FBXL17: variants seen among roughly 807,000 people sequenced by gnomAD.
FBXL17 encodes the protein F-box/LRR-repeat protein 17.
FBXL17 carries 22 observed loss-of-function variants against 66.2 expected under a neutral mutation model. The ratio of observed to expected loss-of-function variants is 0.33; its 90% CI spans 0.24 to 0.47. The LOEUF is 0.47. Ranked by LOEUF, FBXL17 falls within the 20% of genes least tolerant of loss-of-function variation. The probability of loss-of-function intolerance (pLI) is 1.00; values close to 1 mark genes in which losing one functional copy is unlikely to be tolerated. For missense variants in FBXL17, 878 were observed against 948.2 expected (o/e 0.93, Z 0.97); for synonymous variants, 474 against 400.5 (o/e 1.18, Z -2.19).
intron 5 of FBXL17, among the ~76,000 whole-genome samples, chr5:108,216,795 T>C (rs1754618142): frequency 6.6e-6 from 1 of 152,106 alleles, no homozygotes; most frequent in Admixed American, 6.5e-5. Context: ...ATAAGGGAAC[T>C]AGCACGGGGT....
chr5:107,953,180 A>G (rs1430813000), intron 7 of FBXL17, among the ~76,000 whole-genome samples: 3 of 152,036 alleles, frequency 2.0e-5, no homozygotes, highest in African/African-American at 7.2e-5. Flanking sequence ...AGGTGGGCGG[A>G]TCACGAGGTC....
chr5:108,293,148 T>C (rs1191712162), intron 4 of FBXL17, among the ~76,000 whole-genome samples: 1 of 151,698 alleles, frequency 6.6e-6, no homozygotes, highest in Admixed American at 6.6e-5. Context: ...AGTATTCCTA[T>C]ATTAGTTTCT....
At position 108,124,289 on chromosome 5, in the gene FBXL17, TA is replaced by T. The variant is rs200725008; in HGVS notation, c.1745+61827del. On this transcript the variant is annotated intron_variant, in intron 6 of 8. Coordinates refer to ENST00000542267, the MANE Select transcript of FBXL17 (RefSeq NM_001163315.3). ...CAATTTCATAAGATATGAAATATGT[TA>T]AAAAAAAAGAACCAGAGTGATGCAG... Among the ~76,000 whole-genome samples, 8 of 151,030 alleles carry T rather than the reference TA, an allele frequency of 5.3e-5. No homozygotes were observed. In the East Asian group the frequency reaches 9.7e-4, roughly 18 times the overall value.
intron 6 of FBXL17, among the ~76,000 whole-genome samples, chr5:108,099,211 T>G (rs1385947224): frequency 2.0e-5 from 3 of 152,138 alleles, no homozygotes; most frequent in Non-Finnish European, 4.4e-5. Context: ...TATAGTTGAT[T>G]AATGGTTGAA....
At chr5:108,243,804 T>A (rs1406502264) in intron 4 of FBXL17, among the ~76,000 whole-genome samples, 3 of 152,210 alleles carry the variant, frequency 2.0e-5, no homozygotes, top group Non-Finnish European at 4.4e-5. Flanking sequence ...CTATATCATG[T>A]GTTATATACA....
chr5:108,268,464 A>G lies in FBXL17; in HGVS notation c.1507-44236T>C, dbSNP rs1025824637. ...CAGAAAAGGACCAGAACTTTAGGTT[A>G]TATAAATTCTCATGTTTTTCTTCTG... On this transcript the variant is annotated intron_variant, in intron 4 of 8. Coordinates refer to ENST00000542267, the MANE Select transcript of FBXL17 (RefSeq NM_001163315.3). Among the ~76,000 whole-genome samples, 7 of 152,218 alleles carry G rather than the reference A, an allele frequency of 4.6e-5. 1 individual carries two copies. In the South Asian group the frequency reaches 1.4e-3, roughly 32 times the overall value.
intron 6 of FBXL17, among the ~76,000 whole-genome samples, chr5:108,150,190 A>G (rs1392088395): frequency 6.6e-6 from 1 of 152,168 alleles, no homozygotes; most frequent in Non-Finnish European, 1.5e-5. Context: ...CTATTAAATC[A>G]CATTATCATT....
chr5:108,266,568 G>A lies in FBXL17; in HGVS notation c.1507-42340C>T, dbSNP rs1192326261. ...AACATCCCCAATGTGCAAGAGTACT[G>A]ATGCTGGTAATTCACATATGCCACA... is the stretch of plus-strand genomic sequence containing the variant. On this transcript the variant is annotated intron_variant, in intron 4 of 8. Coordinates refer to ENST00000542267, the MANE Select transcript of FBXL17 (RefSeq NM_001163315.3). Among the ~76,000 whole-genome samples, 5 of 152,116 alleles carry A rather than the reference G, an allele frequency of 3.3e-5. No homozygotes were observed. The East Asian group carries it at 9.6e-4, about 29-fold the overall frequency.
intron 6 of FBXL17, among the ~76,000 whole-genome samples, chr5:108,159,062 T>G (rs1752107467): frequency 6.6e-6 from 1 of 152,112 alleles, no homozygotes; most frequent in African/African-American, 2.4e-5. Context: ...GTATTTCAAT[T>G]AGTAATGCAA....
At chr5:108,174,723 T>C (rs1752727735) in intron 6 of FBXL17, among the ~76,000 whole-genome samples, 1 of 133,466 alleles carries the variant, frequency 7.5e-6, no homozygotes, top group African/African-American at 2.9e-5. Flanking sequence ...TTTTCTCATA[T>C]AGCTATACTT....
intron 4 of FBXL17, among the ~76,000 whole-genome samples, chr5:108,295,559 G>T (rs2150169388): frequency 6.6e-6 from 1 of 152,044 alleles, no homozygotes. Flanking sequence ...ACTCCTGCCT[G>T]CCAAGCACTA....
At chr5:108,239,991 C>T (rs1182288498) in intron 4 of FBXL17, among the ~76,000 whole-genome samples, 1 of 151,858 alleles carries the variant, frequency 6.6e-6, no homozygotes, top group East Asian at 1.9e-4. Context: ...AGGGAAGGAC[C>T]TTGGCCTGGA....
chr5:108,140,836 T>C (rs1449551629), intron 6 of FBXL17, among the ~76,000 whole-genome samples: 2 of 152,138 alleles, frequency 1.3e-5, no homozygotes, highest in African/African-American at 4.8e-5. Context: ...GCCATTCTTT[T>C]TTTTTTTTAC....
chr5:107,913,842 G>C (rs1318698710), intron 7 of FBXL17, among the ~76,000 whole-genome samples: 2 of 152,058 alleles, frequency 1.3e-5, no homozygotes, highest in African/African-American at 4.8e-5. Context: ...GGCCAAACCA[G>C]GGCAATTTTA....
At chr5:108,007,646 G>GTATCTTAAAACAACTAATTTAAA (rs377516283) in intron 7 of FBXL17, among the ~76,000 whole-genome samples, 6,108 of 152,186 alleles carry the variant, frequency 0.04, 404 homozygotes, top group African/African-American at 0.14. Flanking sequence ...GTTAAATGCC[G>GTATCTTAAAACAACTAATTTAAA]AGTATACGGT....
At chr5:108,223,834 A>T (rs2922423) in intron 5 of FBXL17, among the ~76,000 whole-genome samples, 1 of 151,682 alleles carries the variant, frequency 6.6e-6, no homozygotes, top group Non-Finnish European at 1.5e-5. Context: ...ATATCTTCTA[A>T]GCACAATATA....
At chr5:108,081,533 A>T (rs2149919346) in intron 6 of FBXL17, among the ~76,000 whole-genome samples, 1 of 152,170 alleles carries the variant, frequency 6.6e-6, no homozygotes, top group South Asian at 2.1e-4. Context: ...CATCCTGGCT[A>T]ACACGGTGAA....
At chr5:108,077,211 T>C (rs187639791) in intron 6 of FBXL17, among the ~76,000 whole-genome samples, 2 of 152,340 alleles carry the variant, frequency 1.3e-5, no homozygotes, top group East Asian at 1.9e-4. Context: ...TGAAAATCTT[T>C]TAGTAAAGCT....
At chr5:108,210,876 C>G (rs901851179) in intron 5 of FBXL17, among the ~76,000 whole-genome samples, 9 of 152,154 alleles carry the variant, frequency 5.9e-5, no homozygotes, top group Admixed American at 4.6e-4. Flanking sequence ...TGTAAATTTT[C>G]TGTCTCATTG....
Sources: allele counts gnomAD v4.1 joint callset (sites outside exome capture counted in the v4.1 genomes callset), GRCh38; gene constraint gnomAD v4.1.1; transcripts MANE v1.5; gene names NCBI Gene and HGNC (gene_info 2026-07-23, HGNC 2026-07-21).